SEMA3D: variants seen among roughly 807,000 people sequenced by gnomAD.
SEMA3D encodes the protein semaphorin 3D, also known as semaphorin-3D.
In SEMA3D, 84 loss-of-function variants were observed where a neutral mutation model predicts 100.1. That is an observed-to-expected ratio of 0.84 (90% CI 0.70 to 1.01). The LOEUF (loss-of-function observed/expected upper bound fraction) is 1.01, where lower values mean the gene tolerates loss of function less well. Among genes scored for constraint, SEMA3D ranks in the 50% least tolerant of loss-of-function variants. SEMA3D has a pLI of 0.00. For synonymous variants in SEMA3D, 312 were observed against 320.7 expected, an observed-to-expected ratio of 0.97 and a Z score of 0.29; for missense variants, 875 against 934.1, an observed-to-expected ratio of 0.94 and a Z score of 0.82.
intron 2 of SEMA3D, among the ~76,000 whole-genome samples, chr7:85,122,467 A>G (rs1263480841): frequency 6.6e-6 from 1 of 152,156 alleles, no homozygotes; most frequent in Non-Finnish European, 1.5e-5. Context: ...TTCCTTGACT[A>G]AAGTTGTTTT....
the SEMA3D span, among the ~76,000 whole-genome samples, chr7:85,225,906 A>G: frequency 1.3e-5 from 2 of 152,200 alleles, no homozygotes; most frequent in Non-Finnish European, 2.9e-5. Flanking sequence ...TATTACCTTG[A>G]AAGTTTTACA....
At chr7:85,192,257 C>T in the SEMA3D span, among the ~76,000 whole-genome samples, 6 of 151,954 alleles carry the variant, frequency 3.9e-5, no homozygotes, top group African/African-American at 1.2e-4. Flanking sequence ...AAATGACTTT[C>T]ATACAAAATG....
chr7:85,088,843 T>C (rs1287790007), intron 4 of SEMA3D, among the ~76,000 whole-genome samples: 1 of 152,150 alleles, frequency 6.6e-6, no homozygotes, highest in African/African-American at 2.4e-5. Context: ...AGTGGTCTTT[T>C]CCATGATTTT....
the SEMA3D span, among the ~76,000 whole-genome samples, chr7:85,241,467 G>GTGTCTATATATATATATA: frequency 1.1e-5 from 1 of 92,002 alleles, no homozygotes; most frequent in African/African-American, 5.5e-5. Context: ...CTGTGTGTGT[G>GTGTCTATATATATATATA]TATATATATA....
At chr7:85,063,849 T>C (rs1307653922) in intron 8 of SEMA3D, among the ~76,000 whole-genome samples, 1 of 152,224 alleles carries the variant, frequency 6.6e-6, no homozygotes, top group African/African-American at 2.4e-5. Context: ...TCCCGCTTTA[T>C]GCTTCAGGCT....
At chr7:85,018,337 G>GT (rs768043250) in intron 14 of SEMA3D, 44 bp from the exon 15 acceptor site, 1 of 1,243,170 alleles carries the variant, frequency 8.0e-7, no homozygotes, top group African/African-American at 1.5e-5. Context: ...TCATTAACAG[G>GT]TTTTTATATT....
chr7:85,077,534 G>A (rs1261126168), intron 5 of SEMA3D, among the ~76,000 whole-genome samples: 1 of 152,010 alleles, frequency 6.6e-6, no homozygotes, highest in Non-Finnish European at 1.5e-5. Context: ...GCAGGGATAT[G>A]CTATTTAAAA....
chr7:85,072,469 C>T (rs571791549), intron 6 of SEMA3D, among the ~76,000 whole-genome samples: 24 of 151,730 alleles, frequency 1.6e-4, no homozygotes, highest in Non-Finnish European at 3.4e-4. Context: ...GAATTTTTAC[C>T]AATAGCAACA....
At chr7:85,034,703 G>A (rs1031158181) in intron 12 of SEMA3D, among the ~76,000 whole-genome samples, 2 of 151,994 alleles carry the variant, frequency 1.3e-5, no homozygotes, top group Non-Finnish European at 2.9e-5. Flanking sequence ...TGGCCAATGG[G>A]TACATGAAAA....
intron 3 of SEMA3D, among the ~76,000 whole-genome samples, chr7:85,107,739 A>C (rs1788972161): frequency 6.6e-6 from 1 of 151,974 alleles, no homozygotes; most frequent in Non-Finnish European, 1.5e-5. Flanking sequence ...TATATAATCC[A>C]TCACTTTAAG....
chr7:85,005,741 C>A (rs1424626872), intron 18 of SEMA3D, among the ~76,000 whole-genome samples: 2 of 151,780 alleles, frequency 1.3e-5, no homozygotes, highest in Non-Finnish European at 2.9e-5. Context: ...TGACCTCTAC[C>A]CAGTACACAC....
chr7:85,066,911 C>CAGAG (rs759461188), intron 7 of SEMA3D, among the ~76,000 whole-genome samples: 4 of 90,568 alleles, frequency 4.4e-5, no homozygotes, highest in Non-Finnish European at 9.4e-5. Flanking sequence ...CACACACACA[C>CAGAG]ACAGAGAGAG....
intron 1 of SEMA3D, among the ~76,000 whole-genome samples, chr7:85,166,830 G>A (rs556744485): frequency 5.9e-5 from 9 of 151,908 alleles, no homozygotes; most frequent in South Asian, 2.1e-4. Context: ...TGAAAGCCCC[G>A]TTTTATTTTT....
At chr7:85,037,059 A>T in intron 11 of SEMA3D, 26 bp from the exon 12 acceptor site, 1 of 1,605,786 alleles carries the variant, frequency 6.2e-7, no homozygotes. Flanking sequence ...ATCATCATTC[A>T]ATCATTCACT....
At chr7:85,193,117 C>T in the SEMA3D span, among the ~76,000 whole-genome samples, 3 of 152,100 alleles carry the variant, frequency 2.0e-5, no homozygotes, top group Non-Finnish European at 4.4e-5. Flanking sequence ...CTTCTTGGAT[C>T]GCTCAGAGAA....
chr7:85,068,376 A>C, intron 6 of SEMA3D, 92 bp from the exon 7 acceptor site: 1 of 719,860 alleles, frequency 1.4e-6, no homozygotes. Flanking sequence ...CAACTCATGA[A>C]TTTGATAAAA....
At chr7:85,226,133 C>T in the SEMA3D span, among the ~76,000 whole-genome samples, 9 of 152,120 alleles carry the variant, frequency 5.9e-5, no homozygotes, top group African/African-American at 2.2e-4. Flanking sequence ...GGCTGTTTAA[C>T]ATTCCAGGGC....
intron 12 of SEMA3D, among the ~76,000 whole-genome samples, chr7:85,026,751 T>G (rs1186100139): frequency 1.3e-5 from 2 of 152,062 alleles, no homozygotes; most frequent in African/African-American, 4.8e-5. Flanking sequence ...TGTATGAGGT[T>G]AAGAAATACA....
intron 14 of SEMA3D, among the ~76,000 whole-genome samples, 188 bp downstream of exon 14, chr7:85,020,045 G>A (rs1439294501): frequency 6.6e-6 from 1 of 151,648 alleles, no homozygotes; most frequent in Non-Finnish European, 1.5e-5. Context: ...GTATTCTACA[G>A]AGGAAGGTGA....
Sources: allele counts gnomAD v4.1 joint callset (sites outside exome capture counted in the v4.1 genomes callset), GRCh38; gene constraint gnomAD v4.1.1; transcripts MANE v1.5; gene names NCBI Gene and HGNC (gene_info 2026-07-23, HGNC 2026-07-21).